The following FARS2 variants were observed in gnomAD, a reference collection of about 807,000 sequenced individuals.
FARS2 encodes the protein phenylalanine--tRNA ligase, mitochondrial.
Under a neutral mutation model 46.4 loss-of-function variants are expected in FARS2, and 40 were observed. The observed-to-expected ratio is 0.86, with a 90% confidence interval of 0.67 to 1.12. FARS2 has a LOEUF of 1.12. Ranked by LOEUF, FARS2 falls within the 50% of genes most tolerant of loss-of-function variation. FARS2 has a pLI of 0.00. For synonymous variants in FARS2, 234 were observed against 214.9 expected, an observed-to-expected ratio of 1.09 and a Z score of -0.78; for missense variants, 513 against 567.9, an observed-to-expected ratio of 0.90 and a Z score of 0.98.
intron 1 of FARS2, among the ~76,000 whole-genome samples, chr6:5,365,787 T>TTATC (rs1192855996): frequency 1.3e-5 from 2 of 152,158 alleles, no homozygotes; most frequent in Non-Finnish European, 2.9e-5. Context: ...AACAATTGAT[T>TTATC]AACACATATT....
chr6:5,547,947 A>C (rs1282012759), intron 5 of FARS2, among the ~76,000 whole-genome samples: 1 of 152,226 alleles, frequency 6.6e-6, no homozygotes, highest in East Asian at 1.9e-4. Flanking sequence ...CATGCTGCTG[A>C]TAAAGATATA....
chr6:5,655,992 T>C (rs548741824), intron 6 of FARS2, among the ~76,000 whole-genome samples: 11 of 152,228 alleles, frequency 7.2e-5, no homozygotes, highest in Non-Finnish European at 1.5e-4. Context: ...TAAATTGTCT[T>C]TGCAGTGATT....
At chr6:5,592,123 G>A (rs1030289659) in intron 5 of FARS2, among the ~76,000 whole-genome samples, 31 of 152,246 alleles carry the variant, frequency 2.0e-4, no homozygotes, top group African/African-American at 6.0e-4. Context: ...GGTGGCTCAC[G>A]CCTGTAATCC....
intron 2 of FARS2, among the ~76,000 whole-genome samples, chr6:5,379,008 A>C (rs1759577141): frequency 6.6e-6 from 1 of 152,168 alleles, no homozygotes. Flanking sequence ...CAAGATGGAA[A>C]CTATTAGGCT....
chr6:5,315,753 T>TCTTTCTTTCTTC (rs1581761758), intron 1 of FARS2, among the ~76,000 whole-genome samples: 1 of 128,168 alleles, frequency 7.8e-6, no homozygotes, highest in African/African-American at 2.8e-5. Flanking sequence ...TTTCTTTCTT[T>TCTTTCTTTCTTC]CTTTCTTTTT....
At chr6:5,390,072 C>T (rs981503564) in intron 2 of FARS2, among the ~76,000 whole-genome samples, 1 of 152,152 alleles carries the variant, frequency 6.6e-6, no homozygotes, top group Admixed American at 6.5e-5. Flanking sequence ...CCATGTTGGC[C>T]AGGCTGGTCT....
intron 4 of FARS2, among the ~76,000 whole-genome samples, chr6:5,514,089 C>CATATAT (rs57189455): frequency 0.013 from 1,840 of 147,094 alleles, 30 homozygotes; most frequent in African/African-American, 0.037. Context: ...AAAATCTGGA[C>CATATAT]ATATATATAT....
chr6:5,319,678 T>C (rs1350410814), intron 1 of FARS2, among the ~76,000 whole-genome samples: 2 of 152,206 alleles, frequency 1.3e-5, no homozygotes, highest in African/African-American at 2.4e-5. Flanking sequence ...GGTCTCTCAC[T>C]CTGCCTTATG....
At chr6:5,307,091 A>G (rs1347639398) in intron 1 of FARS2, among the ~76,000 whole-genome samples, 4 of 152,204 alleles carry the variant, frequency 2.6e-5, no homozygotes, top group African/African-American at 9.7e-5. Flanking sequence ...TGGTATTTTA[A>G]AAATTATTAC....
intron 5 of FARS2, among the ~76,000 whole-genome samples, chr6:5,565,450 G>T (rs7772572): frequency 0.21 from 32,239 of 152,068 alleles, 5,395 homozygotes; most frequent in African/African-American, 0.45. Context: ...ATAGCTTGAT[G>T]ATAAACTGTC....
At chr6:5,552,851 G>A (rs1771447082) in intron 5 of FARS2, among the ~76,000 whole-genome samples, 1 of 152,146 alleles carries the variant, frequency 6.6e-6, no homozygotes, top group South Asian at 2.1e-4. Flanking sequence ...TTCGTTCTGA[G>A]TGTTTGGGTC....
At chr6:5,551,313 A>T (rs1250486770) in intron 5 of FARS2, among the ~76,000 whole-genome samples, 1 of 152,104 alleles carries the variant, frequency 6.6e-6, no homozygotes, top group East Asian at 1.9e-4. Flanking sequence ...GGCTTTTGAC[A>T]TCTGTATTGC....
chr6:5,576,604 T>TATATATA (rs1491282581), intron 5 of FARS2, among the ~76,000 whole-genome samples: 1 of 140,468 alleles, frequency 7.1e-6, no homozygotes, highest in African/African-American at 2.6e-5. Context: ...TATGATATAT[T>TATATATA]ATATATATAA....
At chr6:5,293,590 A>G (rs1024064668) in intron 1 of FARS2, among the ~76,000 whole-genome samples, 1 of 152,230 alleles carries the variant, frequency 6.6e-6, no homozygotes, top group Non-Finnish European at 1.5e-5. Flanking sequence ...CTAAACCCCA[A>G]TGGGAGAAAA....
At chr6:5,609,281 AC>A in intron 5 of FARS2, 3 of 1,054,858 alleles carry the variant, frequency 2.8e-6, no homozygotes, top group Non-Finnish European at 1.5e-6. Flanking sequence ...TGCCCTAGCC[AC>A]CTTGGTTTCA....
intron 4 of FARS2, among the ~76,000 whole-genome samples, chr6:5,540,373 G>T (rs1770547501): frequency 6.6e-6 from 1 of 152,110 alleles, no homozygotes; most frequent in African/African-American, 2.4e-5. Flanking sequence ...TGTGAAACTG[G>T]TATTCAGTGT....
At chr6:5,707,054 T>A (rs954823094) in intron 6 of FARS2, among the ~76,000 whole-genome samples, 1 of 152,224 alleles carries the variant, frequency 6.6e-6, no homozygotes, top group South Asian at 2.1e-4. Flanking sequence ...ACTTGCTTGC[T>A]CTCACTCACT....
chr6:5,467,045 T>C (rs1765554828), intron 4 of FARS2: 1 of 985,180 alleles, frequency 1.0e-6, no homozygotes, highest in Non-Finnish European at 1.2e-6. Flanking sequence ...AGATGGACCA[T>C]GGGATACCAG....
chr6:5,473,533 C>CAAAAAAAAAACAA (rs1561645247), intron 4 of FARS2, among the ~76,000 whole-genome samples: 6 of 81,916 alleles, frequency 7.3e-5, no homozygotes, highest in Admixed American at 2.5e-4. Flanking sequence ...TCTCAAAAAA[C>CAAAAAAAAAACAA]AAAAAAAAAA....
Sources: allele counts gnomAD v4.1 joint callset (sites outside exome capture counted in the v4.1 genomes callset), GRCh38; gene constraint gnomAD v4.1.1; transcripts MANE v1.5; gene names NCBI Gene and HGNC (gene_info 2026-07-23, HGNC 2026-07-21).